Variants in PEX2 observed in about 807,000 individuals in gnomAD.
PEX2 encodes peroxisome biogenesis factor 2.
In PEX2, 19 loss-of-function variants were observed where a neutral mutation model predicts 25.2. The observed-to-expected ratio is 0.75, with a 90% CI of 0.53 to 1.10. PEX2 has a LOEUF of 1.10. Among genes scored for constraint, PEX2 ranks in the 50% least tolerant of loss-of-function variants. PEX2 has a pLI of 0.00. For synonymous variants in PEX2, 141 were observed against 127.7 expected (o/e 1.10, Z -0.70); for missense variants, 347 against 350.6 (o/e 0.99, Z 0.08).
intron 3 of PEX2, 109 bp from the exon 4 acceptor site, chr8:76,984,304 C>T (rs1806941576): frequency 6.0e-6 from 5 of 828,278 alleles, no homozygotes; most frequent in Non-Finnish European, 9.8e-6. Flanking sequence ...GACACATAGG[C>T]GATGAGCGTT....
chr8:77,000,290 GC>G (rs1807469192), upstream of PEX2: 1 of 302,470 alleles, frequency 3.3e-6, no homozygotes, highest in African/African-American at 2.3e-5. Context: ...TGGCCGGTTG[GC>G]CGGAAGAACT....
intron 1 of PEX2, among the ~76,000 whole-genome samples, chr8:76,988,794 A>C (rs773578647): frequency 1.3e-5 from 2 of 152,168 alleles, no homozygotes; most frequent in Non-Finnish European, 1.5e-5. Flanking sequence ...TTTATCAATT[A>C]AGTTTATGGG....
At chr8:76,984,298 CAT>C in intron 3 of PEX2, 103 bp from the exon 4 acceptor site, 2 of 885,454 alleles carry the variant, frequency 2.3e-6, no homozygotes, top group Non-Finnish European at 3.6e-6. Flanking sequence ...ACACAGGACA[CAT>C]AGGCGATGAG....
chr8:76,997,958 A>G (rs1036729539), intron 1 of PEX2, among the ~76,000 whole-genome samples: 2 of 152,226 alleles, frequency 1.3e-5, no homozygotes, highest in African/African-American at 4.8e-5. Flanking sequence ...TTTCTTGTAC[A>G]TTCCAAAGGA....
chr8:77,000,137 A>C (rs900021239), upstream of PEX2: 3 of 336,546 alleles, frequency 8.9e-6, no homozygotes, highest in Admixed American at 1.3e-4. Context: ...AAGTGGCTGA[A>C]AAAAAAAAGA....
upstream of PEX2, chr8:77,000,226 A>AAGCCGAAG (rs1401176688): frequency 1.7e-5 from 5 of 293,246 alleles, no homozygotes; most frequent in East Asian, 4.3e-4. Flanking sequence ...GAACGCCGAC[A>AAGCCGAAG]AGCCGAAGAG....
chr8:76,999,077 A>G (rs1807419724), intron 1 of PEX2, among the ~76,000 whole-genome samples: 1 of 151,806 alleles, frequency 6.6e-6, no homozygotes, highest in Admixed American at 6.6e-5. Context: ...CAAGTAATTG[A>G]TAATATAGGT....
intron 2 of PEX2, among the ~76,000 whole-genome samples, chr8:76,986,990 G>T (rs1032429714): frequency 1.3e-5 from 2 of 152,142 alleles, no homozygotes; most frequent in Non-Finnish European, 2.9e-5. Flanking sequence ...TCTGGGATGT[G>T]TGAAGGATAG....
intron 1 of PEX2, among the ~76,000 whole-genome samples, chr8:76,992,657 T>C (rs902167488): frequency 6.6e-6 from 1 of 152,198 alleles, no homozygotes; most frequent in Non-Finnish European, 1.5e-5. Flanking sequence ...TTATTCCCAA[T>C]ATAGTGTAAG....
chr8:76,983,207 A>AGGATGT lies in PEX2; in HGVS notation c.*53_*54insACATCC. 6 of 1,601,894 alleles carry AGGATGT rather than the reference A, an allele frequency of 3.7e-6. No homozygotes were observed. Among genetic ancestry groups the AGGATGT allele is most frequent in the Non-Finnish European group, 2.5e-6 (3 of 1,179,708 alleles). On this transcript the variant is annotated 3_prime_UTR_variant, in exon 4 of 4. Coordinates refer to ENST00000357039, the MANE Select transcript of PEX2 (RefSeq NM_000318.3). ...AAATGGTATACTTAGGATGACTAATATTAAGAATTTAAACACGGTGCATTT... is the reference window on the plus strand; with the variant it reads ...AAATGGTATACTTAGGATGACTAATAGGATGTTTAAGAATTTAAACACGGTGCATTT...
chr8:76,986,510 T>C (rs931284740), intron 2 of PEX2: 1 of 152,398 alleles, frequency 6.6e-6, no homozygotes, highest in African/African-American at 2.4e-5. Context: ...CCTCCTTCAG[T>C]GCATTCTCCA....
At position 76,996,563 on chromosome 8, in the gene PEX2, G is replaced by A. The variant is rs73242201; in HGVS notation, c.-160+3427C>T. Among the ~76,000 whole-genome samples the A allele has an allele frequency of 4.5e-3, 689 of 152,284 alleles. 8 individuals are homozygous for A. The highest frequency in any genetic ancestry group is 0.016 in the African/African-American group (660 of 41,548). On this transcript the variant is annotated intron_variant, in intron 1 of 3. Transcript: ENST00000357039. ...AACAGGACACACATGAAATGTATGAGCAGCTAGATGTTTAAATACTCTATA... is the reference window on the plus strand; with the variant it reads ...AACAGGACACACATGAAATGTATGAACAGCTAGATGTTTAAATACTCTATA...
rs1806806614 is a variant in PEX2 at position 76,981,028 on chromosome 8, C to T, written c.*2233G>A. On this transcript the variant is annotated 3_prime_UTR_variant, in exon 4 of 4. Transcript: ENST00000357039. Reference sequence around the variant, plus strand: ...CTGAGCACCTACATCCAGACTGGGCCTGCAGTGTGCAGCTGGACTCTTCAC... The same window carrying T: ...CTGAGCACCTACATCCAGACTGGGCTTGCAGTGTGCAGCTGGACTCTTCAC... The T allele has an allele frequency of 6.6e-6, 1 of 152,230 alleles. No homozygotes were observed. Among genetic ancestry groups the T allele is most frequent in the Non-Finnish European group, 1.5e-5 (1 of 68,062 alleles). 9.4% of individuals were successfully genotyped at this position (152,230 alleles called of 1,614,324 possible).
At chr8:76,984,728 T>G (rs1806955780) in intron 3 of PEX2, among the ~76,000 whole-genome samples, 1 of 152,188 alleles carries the variant, frequency 6.6e-6, no homozygotes, top group Non-Finnish European at 1.5e-5. Flanking sequence ...TTAATCTTTC[T>G]CAAATACATT....
At position 76,982,222 on chromosome 8, in the gene PEX2, T is replaced by A. The variant is rs1806850075; in HGVS notation, c.*1039A>T. ...AGTAAAAAAAGGCAGAGAAAAAGAG[T>A]GAAGGATACAGAATTATCTTGATTA... On this transcript the variant is annotated 3_prime_UTR_variant, in exon 4 of 4. Transcript: ENST00000357039. The A allele has an allele frequency of 6.6e-6, 1 of 152,018 alleles. No individual in the cohort carries two copies. Among genetic ancestry groups the A allele is most frequent in the African/African-American group, 2.4e-5 (1 of 41,358 alleles). The allele number at this position is 152,018 out of a possible 1,614,324, so 9.4% of individuals were successfully genotyped here.
At chr8:76,993,162 A>G (rs949033241) in intron 1 of PEX2, among the ~76,000 whole-genome samples, 3 of 152,210 alleles carry the variant, frequency 2.0e-5, no homozygotes, top group South Asian at 2.1e-4. Context: ...ACCTAGCCAC[A>G]TTGTAAAAAG....
At chr8:76,999,883 GA>G (rs201987146) in intron 1 of PEX2, 106 bp downstream of exon 1, 4 of 455,960 alleles carry the variant, frequency 8.8e-6, no homozygotes, top group Admixed American at 2.4e-5. Context: ...AATAAACAGG[GA>G]AAAAAAAGCA....
chr8:76,999,583 A>G (rs181174974), intron 1 of PEX2, among the ~76,000 whole-genome samples: 4 of 152,356 alleles, frequency 2.6e-5, no homozygotes, highest in Admixed American at 6.5e-5. Context: ...TGTACTACAT[A>G]TAACACTTTA....
Position 76,983,709 on chromosome 8 carries a change from A to C in PEX2, c.470T>G (p.Phe157Cys). ...AGTTGCAAACTTTCCCCTCTGAAGGAAAATCAAAAAATTAATCAGCCCACC... is the reference window on the plus strand; with the variant it reads ...AGTTGCAAACTTTCCCCTCTGAAGGCAAATCAAAAAATTAATCAGCCCACC... ...KLGGLINFLI[F>C]LQRGKFATLT... is the part of the protein sequence containing the mutation. Residue 157 changes from phenylalanine to cysteine, a missense_variant, in exon 4 of 4, where the codon TTC becomes TGC. Coordinates refer to ENST00000357039, the MANE Select transcript of PEX2 (RefSeq NM_000318.3). 1 of 1,614,138 alleles carries C rather than the reference A, an allele frequency of 6.2e-7. No individual in the cohort carries two copies. The highest frequency in any genetic ancestry group is 8.5e-7 in the Non-Finnish European group (1 of 1,180,034).
Sources: gnomAD v4.1 joint callset for allele counts (sites outside exome capture counted in the v4.1 genomes callset) on GRCh38, gnomAD v4.1.1 for gene constraint, MANE v1.5 for transcripts, NCBI Gene and HGNC (gene_info 2026-07-23, HGNC 2026-07-21) for gene names.